Variants in TBXAS1 observed in about 807,000 individuals in gnomAD.
The protein encoded by TBXAS1 is thromboxane A synthase 1.
In TBXAS1, 48 loss-of-function variants were observed where a neutral mutation model predicts 60.7. The observed-to-expected ratio is 0.79, with a 90% CI of 0.63 to 1.01. The LOEUF (loss-of-function observed/expected upper bound fraction) is 1.01. Among genes scored for constraint, TBXAS1 ranks in the 50% least tolerant of loss-of-function variants. The pLI is 0.00. For synonymous variants in TBXAS1, 287 were observed against 269.7 expected (o/e 1.06, Z -0.63); for missense variants, 685 against 686.3 (o/e 1.00, Z 0.02).
intron 1 of TBXAS1, among the ~76,000 whole-genome samples, chr7:139,831,656 G>T (rs1798709532): frequency 6.6e-6 from 1 of 152,238 alleles, no homozygotes. Context: ...AATGGGCTGG[G>T]CGCGGTGGCT....
intron 2 of TBXAS1, among the ~76,000 whole-genome samples, chr7:139,873,752 A>AT (rs893414373): frequency 6.6e-6 from 1 of 152,002 alleles, no homozygotes. Flanking sequence ...GTCTACGGTT[A>AT]TTTTTTCTCA....
intron 3 of TBXAS1, among the ~76,000 whole-genome samples, chr7:139,910,562 G>A (rs911240348): frequency 2.0e-5 from 3 of 152,154 alleles, no homozygotes; most frequent in Admixed American, 1.3e-4. Context: ...GCTTGAACCC[G>A]GGAGGGGGAG....
intron 6 of TBXAS1, among the ~76,000 whole-genome samples, chr7:139,955,105 C>T (rs1014217098): frequency 1.3e-5 from 2 of 152,170 alleles, no homozygotes; most frequent in Non-Finnish European, 2.9e-5. Context: ...GCCCTCCTTC[C>T]CAGGGAGGAA....
intron 4 of TBXAS1, among the ~76,000 whole-genome samples, chr7:139,810,950 TG>T: frequency 6.6e-6 from 1 of 152,346 alleles, no homozygotes; most frequent in East Asian, 1.9e-4. Context: ...GTCCATATCT[TG>T]TAGGAATTAT....
At chr7:139,913,303 G>A (rs1805688069) in intron 4 of TBXAS1, 1 of 599,386 alleles carries the variant, frequency 1.7e-6, no homozygotes, top group South Asian at 1.9e-5. Flanking sequence ...AAATGCAGCT[G>A]TAGCTTGTTG....
intron 6 of TBXAS1, 133 bp from the exon 7 acceptor site, chr7:139,955,326 C>T: frequency 8.5e-7 from 1 of 1,181,244 alleles, no homozygotes; most frequent in Non-Finnish European, 1.2e-6. Context: ...TCTGCAGAAG[C>T]TCCTCTTCCA....
intron 8 of TBXAS1, among the ~76,000 whole-genome samples, chr7:139,958,410 T>A (rs1025728167): frequency 2.6e-5 from 4 of 152,194 alleles, no homozygotes; most frequent in African/African-American, 9.7e-5. Flanking sequence ...AAAGAGGAGT[T>A]TTCAGTGGGA....
At chr7:139,935,236 T>C (rs1807657659) in intron 4 of TBXAS1, among the ~76,000 whole-genome samples, 1 of 152,246 alleles carries the variant, frequency 6.6e-6, no homozygotes, top group Non-Finnish European at 1.5e-5. Flanking sequence ...GTTTCTGACA[T>C]AAAATGGCAT....
At chr7:139,923,092 G>A (rs1806602399) in intron 4 of TBXAS1, among the ~76,000 whole-genome samples, 1 of 152,092 alleles carries the variant, frequency 6.6e-6, no homozygotes, top group South Asian at 2.1e-4. Flanking sequence ...CCAAGGTGGG[G>A]GAATTGTTTG....
intron 1 of TBXAS1, among the ~76,000 whole-genome samples, chr7:139,841,230 GACTCT>G (rs1799424568): frequency 6.6e-6 from 1 of 152,210 alleles, no homozygotes; most frequent in Non-Finnish European, 1.5e-5. Context: ...CAGCCAGTCA[GACTCT>G]ACTTCGAGAA....
chr7:139,962,169 T>G lies in TBXAS1; in HGVS notation c.1070T>G (p.Leu357Arg). Residue 357 changes from leucine (L) to arginine (R), a missense_variant, in exon 9 of 13, where the codon CTG becomes CGG. Leu to Arg is a moderately radical substitution (Grantham distance 102). Transcript: ENST00000448866. ...TNTLSFATYL[L>R]ATNPDCQEKL... is the part of the protein sequence containing the mutation. ...ACACTTTCTTTTGCCACCTACCTAC[T>G]GGCCACCAACCCTGACTGCCAAGAG... The G allele has an allele frequency of 6.2e-7, 1 of 1,614,166 alleles. No individual in the cohort carries two copies. The highest frequency in any genetic ancestry group is 8.5e-7 in the Non-Finnish European group (1 of 1,180,020).
Position 139,959,007 on chromosome 7 carries a change from TCACACA to T in TBXAS1, c.819+1269_819+1274del, listed in dbSNP as rs8192836. On this transcript the variant is annotated intron_variant, in intron 8 of 12. Transcript: ENST00000448866. Reference sequence around the variant, plus strand: ...ACTAAGGGCCACCTTTTGAGAGTGTTCACACACACACACACACACACACACACACAC... The same window carrying T: ...ACTAAGGGCCACCTTTTGAGAGTGTTCACACACACACACACACACACACAC... 6.8e-3 allele frequency among the ~76,000 whole-genome samples: 1,010 copies of T among 149,108 alleles called. 12 individuals carry two copies. The highest frequency in any genetic ancestry group is 0.018 in the African/African-American group (745 of 40,624).
At chr7:139,805,712 T>TTCTTTCTCTCTCTCTCTCTCTC (rs753031062) in intron 4 of TBXAS1, among the ~76,000 whole-genome samples, 1 of 44,318 alleles carries the variant, frequency 2.3e-5, no homozygotes, top group Non-Finnish European at 4.7e-5. Flanking sequence ...CTTTCTTTCT[T>TTCTTTCTCTCTCTCTCTCTCTC]TCTCTCTCTC....
intron 9 of TBXAS1, among the ~76,000 whole-genome samples, chr7:140,006,643 A>C (rs1392488087): frequency 1.3e-5 from 2 of 151,976 alleles, no homozygotes; most frequent in African/African-American, 4.8e-5. Context: ...CTATTTCACT[A>C]TTTGCCTTTT....
chr7:139,875,102 C>T (rs1802129294), intron 2 of TBXAS1, among the ~76,000 whole-genome samples: 2 of 152,100 alleles, frequency 1.3e-5, no homozygotes, highest in Non-Finnish European at 2.9e-5. Flanking sequence ...CTCGAAAAAA[C>T]AAACAAAACA....
chr7:139,958,744 C>A (rs1810080330), intron 8 of TBXAS1, among the ~76,000 whole-genome samples: 1 of 152,220 alleles, frequency 6.6e-6, no homozygotes, highest in Admixed American at 6.5e-5. Context: ...GTGTCTAGAT[C>A]CAGAAGGCAT....
chr7:139,957,508 G>C (rs552625958), intron 7 of TBXAS1, 126 bp from the exon 8 acceptor site: 1 of 1,217,602 alleles, frequency 8.2e-7, no homozygotes, highest in East Asian at 2.4e-5. Flanking sequence ...GCAGTGCGGC[G>C]GGGAGGGCAG....
chr7:139,805,631 TTCCC>T (rs371429055), intron 4 of TBXAS1, among the ~76,000 whole-genome samples: 1,705 of 150,838 alleles, frequency 0.011, 26 homozygotes, highest in South Asian at 0.041. Context: ...CCTTCTTTCC[TTCCC>T]TCCCTCCCTC....
At chr7:139,984,640 G>GAA (rs1554503305) in intron 9 of TBXAS1, among the ~76,000 whole-genome samples, 5 of 99,786 alleles carry the variant, frequency 5.0e-5, no homozygotes, top group African/African-American at 1.9e-4. Context: ...GAGAGAGAGA[G>GAA]AGAAAGAAAG....
Sources: gnomAD v4.1 joint callset for allele counts (sites outside exome capture counted in the v4.1 genomes callset) on GRCh38, gnomAD v4.1.1 for gene constraint, MANE v1.5 for transcripts, NCBI Gene and HGNC (gene_info 2026-07-23, HGNC 2026-07-21) for gene names.